Variants in EEA1 observed in about 807,000 individuals in gnomAD.
EEA1 encodes the protein early endosome antigen 1, also known as early endosome antigen 1, 162kD.
A neutral mutation model predicts 209.2 loss-of-function variants in EEA1; 111 were observed. The observed-to-expected ratio is 0.53, with a 90% confidence interval of 0.45 to 0.62. EEA1 has a LOEUF of 0.62. Ranked by LOEUF, EEA1 falls within the 20% of genes least tolerant of loss-of-function variation. EEA1 has a pLI of 0.00. For missense variants in EEA1, 1,343 were observed against 1,530.8 expected (o/e 0.88, Z 2.05); for synonymous variants, 536 against 540.6 (o/e 0.99, Z 0.12).
intron 10 of EEA1, among the ~76,000 whole-genome samples, chr12:92,841,600 A>G (rs1877164206): frequency 6.6e-6 from 1 of 152,198 alleles, no homozygotes; most frequent in African/African-American, 2.4e-5. Context: ...GTTTTGTTGC[A>G]TATGGCCAGC....
At chr12:92,926,810 T>C (rs1015773593) in intron 1 of EEA1, among the ~76,000 whole-genome samples, 1 of 151,756 alleles carries the variant, frequency 6.6e-6, no homozygotes, top group African/African-American at 2.4e-5. Flanking sequence ...GAGCTGTGAA[T>C]ATGCCCCCGT....
chr12:92,898,956 A>G (rs1351429274), intron 1 of EEA1, among the ~76,000 whole-genome samples: 71 of 75,568 alleles, frequency 9.4e-4, no homozygotes, highest in African/African-American at 3.6e-3. Context: ...TCATGAGTGA[A>G]AAAAAAAAAA....
intron 21 of EEA1, among the ~76,000 whole-genome samples, chr12:92,796,636 T>A (rs1402141485): frequency 6.6e-6 from 1 of 152,166 alleles, no homozygotes; most frequent in Admixed American, 6.5e-5. Context: ...TATTTAAGTG[T>A]GTACACACAT....
chr12:92,854,694 C>T (rs1309813909), intron 5 of EEA1, among the ~76,000 whole-genome samples: 1 of 152,170 alleles, frequency 6.6e-6, no homozygotes, highest in East Asian at 1.9e-4. Flanking sequence ...CTTTGAGTCT[C>T]GGCAGCCAAC....
At chr12:92,918,531 T>C (rs1178746250) in intron 1 of EEA1, among the ~76,000 whole-genome samples, 1 of 131,728 alleles carries the variant, frequency 7.6e-6, no homozygotes, top group East Asian at 2.1e-4. Context: ...GAAATAAACA[T>C]GTTCTTTGAA....
At chr12:92,797,455 A>C (rs1159849957) in intron 21 of EEA1, among the ~76,000 whole-genome samples, 1 of 152,002 alleles carries the variant, frequency 6.6e-6, no homozygotes, top group Non-Finnish European at 1.5e-5. Flanking sequence ...AATATTTTCA[A>C]CTCCAACTGC....
chr12:92,799,058 T>C lies in EEA1; in HGVS notation c.2801A>G (p.Asn934Ser), dbSNP rs183378864. 84 of 1,598,436 alleles carry C rather than the reference T, an allele frequency of 5.3e-5. No homozygotes were observed. In the Middle Eastern group the frequency reaches 8.4e-4, roughly 16 times the overall value. ...EASHQLKLEL[N>S]SMQEQLIQAQ... ...CTGTATAAGTTGTTCCTGCATTGAATTGAGTTCCAATTTCAACTGATGAGA... is the reference window on the plus strand; with the variant it reads ...CTGTATAAGTTGTTCCTGCATTGAACTGAGTTCCAATTTCAACTGATGAGA... Residue 934 changes from asparagine to serine, a missense_variant, in exon 21 of 29, where the codon AAT becomes AGT. By Grantham distance (46) the Asn-to-Ser change is conservative. Coordinates refer to ENST00000322349, the MANE Select transcript of EEA1 (RefSeq NM_003566.4).
intron 1 of EEA1, among the ~76,000 whole-genome samples, chr12:92,921,075 C>T (rs1469653535): frequency 1.3e-5 from 2 of 152,180 alleles, no homozygotes; most frequent in South Asian, 4.2e-4. Flanking sequence ...GTTAGAATGG[C>T]GATCATTAAA....
intron 1 of EEA1, among the ~76,000 whole-genome samples, chr12:92,928,158 A>C (rs2136796005): frequency 6.8e-6 from 1 of 147,528 alleles, no homozygotes; most frequent in Middle Eastern, 3.5e-3. Flanking sequence ...GAAAAAAGCT[A>C]TACCAAAAAA....
intron 6 of EEA1, among the ~76,000 whole-genome samples, chr12:92,853,467 C>G (rs2136710849): frequency 6.6e-6 from 1 of 152,114 alleles, no homozygotes; most frequent in African/African-American, 2.4e-5. Flanking sequence ...GCATGAGCCA[C>G]CAAGCCTGGC....
At chr12:92,831,612 A>G (rs1876641279) in intron 11 of EEA1, among the ~76,000 whole-genome samples, 1 of 146,888 alleles carries the variant, frequency 6.8e-6, no homozygotes, top group African/African-American at 2.5e-5. Context: ...AAATATATAA[A>G]TATATAATAT....
At chr12:92,808,895 C>T in intron 18 of EEA1, 122 bp downstream of exon 18, 1 of 791,488 alleles carries the variant, frequency 1.3e-6, no homozygotes, top group Non-Finnish European at 1.8e-6. Context: ...ATAAAATCAA[C>T]ACAAAATAAA....
At chr12:92,909,046 G>A (rs1430572567) in intron 1 of EEA1, among the ~76,000 whole-genome samples, 2 of 152,208 alleles carry the variant, frequency 1.3e-5, no homozygotes, top group Non-Finnish European at 2.9e-5. Context: ...CTCCTGACTT[G>A]TGATCTGCCT....
rs565019111 is a variant in EEA1 at position 92,831,804 on chromosome 12, G to A, written c.1254+708C>T. 1.8e-4 allele frequency among the ~76,000 whole-genome samples: 27 copies of A among 151,450 alleles called. No individual in the cohort carries two copies. The East Asian group carries it at 4.8e-3, about 27-fold the overall frequency. ...ATAATTTTTTAAAAATATCCAATTT[G>A]GCCGGGCGCGGTGGCTCACGCCTGT... is the stretch of plus-strand genomic sequence containing the variant. On this transcript the variant is annotated intron_variant, in intron 11 of 28. Transcript: ENST00000322349.
chr12:92,828,161 C>A (rs550137230), intron 11 of EEA1, 100 bp from the exon 12 acceptor site: 8 of 952,544 alleles, frequency 8.4e-6, no homozygotes, highest in Non-Finnish European at 1.1e-5. Context: ...AAAATAAGTA[C>A]AATATCTTAA....
At position 92,887,852 on chromosome 12, in the gene EEA1, A is replaced by T. The variant is rs79525574; in HGVS notation, c.117+3777T>A. On this transcript the variant is annotated intron_variant, in intron 2 of 28. Coordinates refer to ENST00000322349, the MANE Select transcript of EEA1 (RefSeq NM_003566.4). ...AGATGGCAATATCAGAAAAAAATTG[A>T]GGCAATAGTCAAAGATAATCACCGA... 3.6e-3 allele frequency among the ~76,000 whole-genome samples: 546 copies of T among 152,240 alleles called. 2 individuals are homozygous for T. Among genetic ancestry groups the T allele is most frequent in the African/African-American group, 0.013 (524 of 41,532 alleles).
chr12:92,917,617 C>T (rs1224555666), intron 1 of EEA1, among the ~76,000 whole-genome samples: 1 of 151,940 alleles, frequency 6.6e-6, no homozygotes, highest in Non-Finnish European at 1.5e-5. Flanking sequence ...AAAGGAACAA[C>T]CAGTACCAGC....
intron 2 of EEA1, among the ~76,000 whole-genome samples, chr12:92,889,682 C>T (rs1002237344): frequency 6.6e-6 from 1 of 151,980 alleles, no homozygotes; most frequent in African/African-American, 2.4e-5. Context: ...GCAGATCACC[C>T]GAGGTCAGGT....
At chr12:92,826,424 C>T (rs559161831) in intron 12 of EEA1, 139 bp from the exon 13 acceptor site, 5 of 730,664 alleles carry the variant, frequency 6.8e-6, no homozygotes, top group African/African-American at 5.4e-5. Flanking sequence ...AAAAGTGGTA[C>T]CTTGGCTGGG....
Sources: allele counts gnomAD v4.1 joint callset (sites outside exome capture counted in the v4.1 genomes callset), GRCh38; gene constraint gnomAD v4.1.1; transcripts MANE v1.5; gene names NCBI Gene and HGNC (gene_info 2026-07-23, HGNC 2026-07-21).